The following RNF220 variants were observed in gnomAD, a reference collection of about 807,000 sequenced individuals.
The protein encoded by RNF220 is ring finger protein 220.
In RNF220, 7 loss-of-function variants were observed where a neutral mutation model predicts 67.1. That is an observed-to-expected ratio of 0.10 (90% CI 0.06 to 0.20). The LOEUF is 0.20. Ranked by LOEUF, RNF220 falls within the 10% of genes least tolerant of loss-of-function variation. The probability of loss-of-function intolerance (pLI) is 1.00; values close to 1 mark genes in which losing one functional copy is unlikely to be tolerated. For synonymous variants in RNF220, 270 were observed against 283.2 expected (o/e 0.95, Z 0.47); for missense variants, 565 against 740.3 (o/e 0.76, Z 2.75).
intron 2 of RNF220, among the ~76,000 whole-genome samples, chr1:44,544,979 A>T (rs929455592): frequency 1.3e-5 from 2 of 152,260 alleles, no homozygotes; most frequent in African/African-American, 4.8e-5. Context: ...CTTATTGAGC[A>T]TGTACCAAGT....
At chr1:44,510,261 A>G in intron 2 of RNF220, among the ~76,000 whole-genome samples, 1 of 143,118 alleles carries the variant, frequency 7.0e-6, no homozygotes, top group Admixed American at 7.1e-5. Flanking sequence ...AGAGAGAGAG[A>G]GAGAGGAGGG....
intron 2 of RNF220, among the ~76,000 whole-genome samples, chr1:44,437,468 C>T (rs1208327261): frequency 1.3e-5 from 2 of 152,076 alleles, no homozygotes; most frequent in Non-Finnish European, 2.9e-5. Context: ...CTTATCTTCC[C>T]CCACCCCACC....
intron 2 of RNF220, among the ~76,000 whole-genome samples, chr1:44,512,492 T>G (rs1213948094): frequency 6.6e-6 from 1 of 152,092 alleles, no homozygotes; most frequent in Non-Finnish European, 1.5e-5. Flanking sequence ...TCAAAAAGAA[T>G]GGGGACGGCC....
At chr1:44,592,222 G>A (rs138325605) in intron 2 of RNF220, among the ~76,000 whole-genome samples, 19 of 152,292 alleles carry the variant, frequency 1.2e-4, no homozygotes, top group African/African-American at 4.6e-4. Context: ...ATTCCTTCCC[G>A]CAGCACCACT....
At chr1:44,520,022 G>T (rs896216178) in intron 2 of RNF220, among the ~76,000 whole-genome samples, 7 of 151,042 alleles carry the variant, frequency 4.6e-5, no homozygotes, top group Non-Finnish European at 8.8e-5. Flanking sequence ...TATATTTTCT[G>T]TCAAGAAGGC....
At chr1:44,404,976 C>T (rs568760547), upstream of RNF220, among the ~76,000 whole-genome samples, 8 of 152,154 alleles carry the variant, frequency 5.3e-5, no homozygotes, top group South Asian at 1.7e-3. Flanking sequence ...TTCACTGAGA[C>T]CTTTGCGGGT....
intron 2 of RNF220, among the ~76,000 whole-genome samples, chr1:44,491,870 G>A (rs532791784): frequency 1.3e-5 from 2 of 152,122 alleles, no homozygotes; most frequent in African/African-American, 2.4e-5. Context: ...TGCCATGTTG[G>A]CCAGGCTGGG....
intron 2 of RNF220, among the ~76,000 whole-genome samples, chr1:44,455,113 C>A (rs1369670675): frequency 1.3e-5 from 2 of 152,152 alleles, no homozygotes; most frequent in Non-Finnish European, 2.9e-5. Flanking sequence ...TAAGAAATTG[C>A]CAAGCCATTT....
intron 2 of RNF220, among the ~76,000 whole-genome samples, chr1:44,551,858 C>T (rs575269681): frequency 3.9e-5 from 6 of 152,158 alleles, no homozygotes; most frequent in Non-Finnish European, 8.8e-5. Context: ...AAACTGAACA[C>T]CTCAAGCTCC....
intron 2 of RNF220, among the ~76,000 whole-genome samples, chr1:44,438,256 G>C (rs1044885135): frequency 2.0e-5 from 3 of 151,994 alleles, no homozygotes; most frequent in Non-Finnish European, 2.9e-5. Flanking sequence ...AAGTAGCTGG[G>C]ACTACAGGCA....
At chr1:44,593,382 T>C (rs1488119493) in intron 2 of RNF220, among the ~76,000 whole-genome samples, 1 of 152,232 alleles carries the variant, frequency 6.6e-6, no homozygotes, top group Non-Finnish European at 1.5e-5. Flanking sequence ...TACCTTTCCC[T>C]ATCTAAAGAA....
At chr1:44,501,049 G>A (rs1362084488) in intron 2 of RNF220, among the ~76,000 whole-genome samples, 1 of 151,698 alleles carries the variant, frequency 6.6e-6, no homozygotes, top group Non-Finnish European at 1.5e-5. Context: ...GAAGGCTGTG[G>A]GGGTGGGGGT....
chr1:44,410,692 G>A (rs779685905), intron 1 of RNF220: 7 of 152,178 alleles, frequency 4.6e-5, no homozygotes, highest in Non-Finnish European at 8.8e-5. Context: ...CTCCAGGTGG[G>A]CTTTTTAAAA....
rs920174252 is a variant in RNF220, at chr1:44,534,657, T to C, written c.626-79508T>C. Among the ~76,000 whole-genome samples the C allele has an allele frequency of 2.6e-5, 4 of 152,326 alleles. No homozygotes were observed. In the East Asian group the frequency reaches 7.7e-4, roughly 29 times the overall value. The stretch of plus-strand genomic sequence containing the variant: ...ATTATCAAGTATCAGAATGAGGTGG[T>C]CATTCCTTTATCATCACTGCCATCA... On this transcript the variant is annotated intron_variant, in intron 2 of 14. Coordinates refer to ENST00000361799, the MANE Select transcript of RNF220 (RefSeq NM_018150.4).
chr1:44,638,228 C>T (rs1340167386), intron 8 of RNF220: 4 of 152,274 alleles, frequency 2.6e-5, no homozygotes, highest in South Asian at 4.1e-4. Flanking sequence ...ATTGATCGCC[C>T]GCCGGGCGGG....
At chr1:44,557,114 T>G (rs1292732652) in intron 2 of RNF220, among the ~76,000 whole-genome samples, 1 of 147,592 alleles carries the variant, frequency 6.8e-6, no homozygotes, top group African/African-American at 2.5e-5. Context: ...TGTATGTATA[T>G]GTATATATGT....
chr1:44,551,009 A>G lies in RNF220; in HGVS notation c.626-63156A>G, dbSNP rs901779885. Among the ~76,000 whole-genome samples, 3 of 152,136 alleles carry G rather than the reference A, an allele frequency of 2.0e-5. No homozygotes were observed. The East Asian group carries it at 5.8e-4, about 29-fold the overall frequency. ...CCTAGCACCTCCATCGCAGCAGAGCAGAAACTAAAGTCATTGTCTTCCCCC... is the reference window on the plus strand; with the variant it reads ...CCTAGCACCTCCATCGCAGCAGAGCGGAAACTAAAGTCATTGTCTTCCCCC... On this transcript the variant is annotated intron_variant, in intron 2 of 14. Transcript: ENST00000361799.
Position 44,650,032 on chromosome 1 carries a change from C to T in RNF220, c.1629+75C>T. On this transcript the variant is annotated intron_variant, in intron 14 of 14. Coordinates refer to ENST00000361799, the MANE Select transcript of RNF220 (RefSeq NM_018150.4). The surrounding 1 kb of genome is among the most constrained non-coding windows in gnomAD (Gnocchi z 4.3). ...CAGATGTCTGTGCTTATGCCTGAGC[C>T]TGCCTGGGGGAAGTGGGGAGCATGG... 1 of 1,478,340 alleles carries T rather than the reference C, an allele frequency of 6.8e-7. No homozygotes were observed. The highest frequency in any genetic ancestry group is 9.3e-7 in the Non-Finnish European group (1 of 1,073,754). The allele number at this position is 1,478,340 out of a possible 1,614,324, so 91.6% of individuals were successfully genotyped here.
intron 2 of RNF220, among the ~76,000 whole-genome samples, chr1:44,591,779 C>T (rs1054520221): frequency 5.3e-5 from 8 of 152,186 alleles, no homozygotes; most frequent in Non-Finnish European, 1.0e-4. Flanking sequence ...TGTCCTCCTC[C>T]TCCTCCAGCC....
Sources: allele counts gnomAD v4.1 joint callset (sites outside exome capture counted in the v4.1 genomes callset), GRCh38; gene constraint gnomAD v4.1.1; non-coding constraint Gnocchi (gnomAD v3.1); transcripts MANE v1.5; gene names NCBI Gene and HGNC (gene_info 2026-07-23, HGNC 2026-07-21).